The following MCPH1 variants were observed in gnomAD, a reference collection of about 807,000 sequenced individuals.
MCPH1 encodes microcephalin 1.
MCPH1 carries 104 observed loss-of-function variants against 84.5 expected under a neutral mutation model. The ratio of observed to expected loss-of-function variants is 1.23; its 90% CI spans 1.05 to 1.45. MCPH1 has a LOEUF of 1.45. MCPH1 is among the 40% of genes most tolerant of loss of function. The pLI, the probability that MCPH1 is intolerant of heterozygous loss-of-function variation, is 0.00. For synonymous variants in MCPH1, 514 were observed against 366.8 expected (o/e 1.40, Z -4.58); for missense variants, 1,498 against 1,005.7 (o/e 1.49, Z -6.62).
At chr8:6,628,555 A>G (rs1169227977) in intron 13 of MCPH1, among the ~76,000 whole-genome samples, 5 of 152,122 alleles carry the variant, frequency 3.3e-5, no homozygotes, top group Non-Finnish European at 5.9e-5. Context: ...TCAATTCAGA[A>G]TAAGAAATAT....
In MCPH1 at chr8:6,527,965, G is replaced by A. The variant is rs746647534; in HGVS notation, c.2214+28036G>A. Among the ~76,000 whole-genome samples the A allele has an allele frequency of 4.3e-4, 65 of 150,082 alleles. 1 individual carries two copies. The highest frequency in any genetic ancestry group is 7.4e-4 in the Non-Finnish European group (50 of 67,758). ...GGGTGGAGTGCAGTGGCATGATCTCGGCTCACTGCAACCTCCGCCTCCCGG... is the reference window on the plus strand; with the variant it reads ...GGGTGGAGTGCAGTGGCATGATCTCAGCTCACTGCAACCTCCGCCTCCCGG... On this transcript the variant is annotated intron_variant, in intron 12 of 13. Transcript: ENST00000344683.
rs1401577916 is a variant in MCPH1 at position 6,445,128 on chromosome 8, G to C, written c.1406G>C (p.Arg469Thr). ...SDFSCVGKKT[R>T]TVDITNFTAK... is the part of the protein sequence containing the mutation. ...TTTTCCTGCGTTGGCAAAAAAACCA[G>C]AACAGTTGACATTACCAATTTCACA... is the stretch of plus-strand genomic sequence containing the variant. The change falls in exon 8 of 14, where the codon AGA becomes ACA. Residue 469 changes from arginine (R) to threonine (T), a missense_variant. Transcript: ENST00000344683. 4 of 1,614,126 alleles carry C rather than the reference G, an allele frequency of 2.5e-6. No individual in the cohort carries two copies. The highest frequency in any genetic ancestry group is 1.3e-5 in the African/African-American group (1 of 74,940).
chr8:6,544,393 A>G (rs920016441), intron 12 of MCPH1, among the ~76,000 whole-genome samples: 3 of 152,246 alleles, frequency 2.0e-5, no homozygotes, highest in Non-Finnish European at 2.9e-5. Context: ...CATGGTGATT[A>G]TGACTTTGGG....
At chr8:6,519,987 C>T in intron 12 of MCPH1, 2 of 1,613,370 alleles carry the variant, frequency 1.2e-6, no homozygotes, top group Middle Eastern at 1.7e-4. Context: ...CAGTGGGGTC[C>T]TTAGCTGCTT....
chr8:6,425,210 C>T (rs1800879214), intron 3 of MCPH1, among the ~76,000 whole-genome samples: 1 of 152,182 alleles, frequency 6.6e-6, no homozygotes, highest in Non-Finnish European at 1.5e-5. Flanking sequence ...GCTTTGATTT[C>T]TGTTGGCTCT....
At chr8:6,557,085 A>G (rs563611747) in intron 12 of MCPH1, among the ~76,000 whole-genome samples, 5 of 152,302 alleles carry the variant, frequency 3.3e-5, no homozygotes, top group African/African-American at 1.2e-4. Flanking sequence ...GAACTGAGAA[A>G]TAACGCACTT....
intron 12 of MCPH1, among the ~76,000 whole-genome samples, chr8:6,583,032 T>A (rs1307210436): frequency 1.3e-5 from 2 of 152,174 alleles, no homozygotes; most frequent in Non-Finnish European, 2.9e-5. Flanking sequence ...CACATTGAAA[T>A]CGAGTTACAT....
intron 11 of MCPH1, chr8:6,494,510 A>G (rs898097537): frequency 2.6e-5 from 4 of 152,214 alleles, no homozygotes; most frequent in Admixed American, 2.6e-4. Context: ...TCACCTAAAT[A>G]AAGTACTCAG....
chr8:6,538,387 C>T (rs1375818709), intron 12 of MCPH1, among the ~76,000 whole-genome samples: 3 of 152,244 alleles, frequency 2.0e-5, no homozygotes, highest in Non-Finnish European at 2.9e-5. Flanking sequence ...CCTTTCATCC[C>T]GCTGTCAGAG....
At chr8:6,417,652 A>T (rs1417871781) in intron 3 of MCPH1, among the ~76,000 whole-genome samples, 2 of 151,764 alleles carry the variant, frequency 1.3e-5, no homozygotes, top group African/African-American at 4.8e-5. Context: ...TTTTGTATAC[A>T]TTCTTTTTAT....
At chr8:6,505,274 A>G (rs1407428080) in intron 12 of MCPH1, among the ~76,000 whole-genome samples, 11 of 21,590 alleles carry the variant, frequency 5.1e-4, no homozygotes, top group Non-Finnish European at 8.5e-4. Flanking sequence ...ATATATATGT[A>G]TACATATATA....
At position 6,647,557 on chromosome 8, in the gene MCPH1, C is replaced by A. The variant is rs1161295110; in HGVS notation, c.*4508C>A. ...TAGATAAACAAAATGTATATCCACA[C>A]CATGGAACGCTACTCAGCAAACTTC... On this transcript the variant is annotated 3_prime_UTR_variant, in exon 14 of 14. Coordinates refer to ENST00000344683, the MANE Select transcript of MCPH1 (RefSeq NM_024596.5). 1 of 152,194 alleles carries A rather than the reference C, an allele frequency of 6.6e-6. No homozygotes were observed. The highest frequency in any genetic ancestry group is 2.4e-5 in the African/African-American group (1 of 41,446). The allele number at this position is 152,194 out of a possible 1,614,324, so 9.4% of individuals were successfully genotyped here. A position where few individuals can be genotyped will look rare whatever the true frequency, so the allele number is the denominator to read the frequency against.
At position 6,610,839 on chromosome 8, in the gene MCPH1, GAA is replaced by G. The variant is rs34105423; in HGVS notation, c.2215-10605_2215-10604del. Among the ~76,000 whole-genome samples the G allele has an allele frequency of 3.8e-3, 547 of 143,922 alleles. 5 individuals carry two copies. The highest frequency in any genetic ancestry group is 0.013 in the African/African-American group (526 of 39,774). The allele number at this position is 143,922 out of a possible 152,430, so 94.4% of individuals were successfully genotyped here. On this transcript the variant is annotated intron_variant, in intron 12 of 13. Coordinates refer to ENST00000344683, the MANE Select transcript of MCPH1 (RefSeq NM_024596.5). ...ACATAAGACGCTGATTTTTCTTCCA[GAA>G]AAAAAAAAACCTTTCTTGTTCTTTC...
chr8:6,607,807 C>G (rs1262112525), intron 12 of MCPH1, among the ~76,000 whole-genome samples: 2 of 152,170 alleles, frequency 1.3e-5, no homozygotes, highest in African/African-American at 4.8e-5. Context: ...GTGAGGCCTC[C>G]CCAGGCAGGT....
At chr8:6,514,369 T>C (rs141926611) in intron 12 of MCPH1, among the ~76,000 whole-genome samples, 76 of 152,286 alleles carry the variant, frequency 5.0e-4, no homozygotes, top group African/African-American at 1.6e-3. Context: ...TTTGTATTTT[T>C]AGTAGATACA....
chr8:6,563,003 G>A, intron 12 of MCPH1: 1 of 1,498,476 alleles, frequency 6.7e-7, no homozygotes, highest in East Asian at 2.3e-5. Flanking sequence ...GTCCCGAGCT[G>A]CTGCCGTCTA....
intron 8 of MCPH1, chr8:6,446,125 T>C: frequency 1.0e-6 from 1 of 956,322 alleles, no homozygotes; most frequent in Non-Finnish European, 1.2e-6. Context: ...TAACTTGTAC[T>C]TATTTTGCTT....
intron 12 of MCPH1, among the ~76,000 whole-genome samples, chr8:6,590,543 CCAG>C (rs1828376499): frequency 6.6e-6 from 1 of 152,176 alleles, no homozygotes; most frequent in African/African-American, 2.4e-5. Flanking sequence ...TTCTGGTTGA[CCAG>C]AGGCCTAATC....
In MCPH1 at chr8:6,580,526, G is replaced by A. The variant is rs191867791; in HGVS notation, c.2215-40928G>A. Among the ~76,000 whole-genome samples the A allele has an allele frequency of 4.6e-5, 7 of 152,264 alleles. No individual in the cohort carries two copies. In the East Asian group the frequency reaches 9.7e-4, roughly 21 times the overall value. On this transcript the variant is annotated intron_variant, in intron 12 of 13. Transcript: ENST00000344683. ...AAAAATTAGCTGGGCATGGTGGCGT[G>A]TTCCTGTAATTCCAGCTACTCGGGA...
Sources: gnomAD v4.1 joint callset for allele counts (sites outside exome capture counted in the v4.1 genomes callset) on GRCh38, gnomAD v4.1.1 for gene constraint, MANE v1.5 for transcripts, NCBI Gene and HGNC (gene_info 2026-07-23, HGNC 2026-07-21) for gene names.